CPNE4: variants seen among roughly 807,000 people sequenced by gnomAD.
The protein encoded by CPNE4 is copine-4.
Under a neutral mutation model 67.9 loss-of-function variants are expected in CPNE4, and 25 were observed. The observed-to-expected ratio is 0.37, with a 90% CI of 0.27 to 0.51. The LOEUF (loss-of-function observed/expected upper bound fraction) is 0.51. CPNE4 is among the 20% of genes least tolerant of loss of function. The pLI is 0.93. For synonymous variants in CPNE4, 242 were observed against 244.9 expected, an observed-to-expected ratio of 0.99 and a Z score of 0.11; for missense variants, 464 against 690.8, an observed-to-expected ratio of 0.67 and a Z score of 3.68.
Position 131,796,749 on chromosome 3 carries a change from T to C in CPNE4, c.181-73124A>G, listed in dbSNP as rs369925064. 2.6e-5 allele frequency among the ~76,000 whole-genome samples: 4 copies of C among 152,252 alleles called. 1 individual carries two copies. The highest frequency in any genetic ancestry group is 6.5e-5 in the Admixed American group (1 of 15,288). Reference sequence around the variant, plus strand: ...CTGGTACAAAAAGCTGAAAATGTCATCGCATTTGCAAATGAACAGAAACCT... The same window carrying C: ...CTGGTACAAAAAGCTGAAAATGTCACCGCATTTGCAAATGAACAGAAACCT... On this transcript the variant is annotated intron_variant, in intron 2 of 15. Coordinates refer to ENST00000429747, the MANE Select transcript of CPNE4 (RefSeq NM_130808.3).
chr3:131,842,487 A>T (rs1162570273), intron 2 of CPNE4, among the ~76,000 whole-genome samples: 2 of 152,222 alleles, frequency 1.3e-5, no homozygotes, highest in Non-Finnish European at 2.9e-5. Context: ...CTGAACCCAG[A>T]TAACATACTG....
At chr3:132,002,614 A>G (rs1365515843) in intron 1 of CPNE4, among the ~76,000 whole-genome samples, 1 of 152,134 alleles carries the variant, frequency 6.6e-6, no homozygotes, top group Non-Finnish European at 1.5e-5. Context: ...ATGACGCAGG[A>G]TTTATGTGAG....
chr3:131,655,718 T>C (rs1166030631), intron 7 of CPNE4, among the ~76,000 whole-genome samples: 4 of 152,124 alleles, frequency 2.6e-5, no homozygotes, highest in African/African-American at 7.2e-5. Flanking sequence ...CAAAGGATGC[T>C]CTTTCTTTTC....
At position 131,723,458 on chromosome 3, in the gene CPNE4, G is replaced by A; in HGVS notation, c.348C>T (p.Cys116=). The change falls in exon 3 of 16, where the codon TGC becomes TGT. Residue 116 remains cysteine, a synonymous_variant. Transcript: ENST00000429747. ...TCTGTTGACCCACCTGGCCAAGTGT[G>A]CACTCCATGCCACCAAGGAAGTCGG... is the stretch of plus-strand genomic sequence containing the variant. ...KEADFLGGME[C]TLGQIVSQRK... is the part of the protein sequence containing the mutation. The A allele has an allele frequency of 1.2e-6, 2 of 1,612,746 alleles. No individual in the cohort carries two copies. The highest frequency in any genetic ancestry group is 1.7e-6 in the Non-Finnish European group (2 of 1,179,940).
intron 1 of CPNE4, among the ~76,000 whole-genome samples, chr3:131,929,196 CA>C (rs57462900): frequency 0.33 from 32,574 of 97,858 alleles, 2,413 homozygotes; most frequent in Middle Eastern, 0.44. Flanking sequence ...TTGTCCTCAC[CA>C]AAAAAAAAAA....
chr3:131,876,653 A>AAAAAAAGAAAG (rs762079430), intron 2 of CPNE4, among the ~76,000 whole-genome samples: 52 of 140,762 alleles, frequency 3.7e-4, no homozygotes, highest in African/African-American at 1.2e-3. Flanking sequence ...AAAAAAAAAA[A>AAAAAAAGAAAG]AAAGAAAGAA....
chr3:131,794,990 T>A (rs1303550763), intron 2 of CPNE4, among the ~76,000 whole-genome samples: 1 of 152,246 alleles, frequency 6.6e-6, no homozygotes, highest in Admixed American at 6.5e-5. Flanking sequence ...AACACTGCCA[T>A]CTGTCGTGGC....
At chr3:131,545,657 G>T (rs1407045289) in intron 14 of CPNE4, among the ~76,000 whole-genome samples, 1 of 152,142 alleles carries the variant, frequency 6.6e-6, no homozygotes, top group Non-Finnish European at 1.5e-5. Flanking sequence ...AAATACAGAA[G>T]CATTTTATTA....
At chr3:131,908,707 T>C (rs1458938368) in intron 1 of CPNE4, among the ~76,000 whole-genome samples, 1 of 152,136 alleles carries the variant, frequency 6.6e-6, no homozygotes, top group Non-Finnish European at 1.5e-5. Flanking sequence ...CAAGCTACGA[T>C]AGAATGGGAC....
At chr3:131,753,029 A>G (rs114003680) in intron 2 of CPNE4, among the ~76,000 whole-genome samples, 2,973 of 151,580 alleles carry the variant, frequency 0.02, 50 homozygotes, top group Non-Finnish European at 0.03. Context: ...AATTGTATAT[A>G]AAATATAAAA....
chr3:131,932,542 A>G (rs1028575533), intron 1 of CPNE4, among the ~76,000 whole-genome samples: 5 of 152,290 alleles, frequency 3.3e-5, no homozygotes, highest in African/African-American at 1.2e-4. Context: ...GGTAAACAGC[A>G]TGATGAAATA....
chr3:131,555,340 C>T (rs1006599551), intron 12 of CPNE4, among the ~76,000 whole-genome samples, 157 bp downstream of exon 12: 5 of 151,952 alleles, frequency 3.3e-5, no homozygotes, highest in East Asian at 1.9e-4. Context: ...CGGGCCCTGG[C>T]GAGTTAATCT....
intron 2 of CPNE4, among the ~76,000 whole-genome samples, chr3:131,831,064 G>A (rs1355728533): frequency 6.6e-6 from 1 of 151,430 alleles, no homozygotes; most frequent in Non-Finnish European, 1.5e-5. Context: ...TAGGAGTGGA[G>A]GACTGTTTTT....
chr3:132,009,388 AG>A (rs2073691654), intron 1 of CPNE4, among the ~76,000 whole-genome samples: 1 of 152,190 alleles, frequency 6.6e-6, no homozygotes, highest in South Asian at 2.1e-4. Flanking sequence ...TTAAACACCC[AG>A]CATGGTTTTC....
chr3:131,634,445 C>A lies in CPNE4; in HGVS notation c.681+35230G>T, dbSNP rs1431908341. ...AAAGTAAGTAATCAAACTCATTTAT[C>A]AACACAATCCAATTCTGCAGAACAT... On this transcript the variant is annotated intron_variant, in intron 7 of 15. Transcript: ENST00000429747. 2.0e-5 allele frequency among the ~76,000 whole-genome samples: 3 copies of A among 152,144 alleles called. No homozygotes were observed. The East Asian group carries it at 5.8e-4, about 29-fold the overall frequency.
chr3:131,605,178 GAATA>G (rs1939426818), intron 7 of CPNE4, among the ~76,000 whole-genome samples: 1 of 152,130 alleles, frequency 6.6e-6, no homozygotes, highest in Non-Finnish European at 1.5e-5. Flanking sequence ...TTCTTTGAAT[GAATA>G]GTTTTTGAGT....
chr3:131,908,576 T>C (rs2088853644), intron 1 of CPNE4, among the ~76,000 whole-genome samples: 6 of 152,134 alleles, frequency 3.9e-5, no homozygotes, highest in Admixed American at 2.6e-4. Context: ...TCACTGTCCT[T>C]CTAACTTTCC....
intron 9 of CPNE4, among the ~76,000 whole-genome samples, chr3:131,575,396 C>G (rs575624941): frequency 1.6e-3 from 251 of 152,234 alleles, no homozygotes; most frequent in African/African-American, 5.8e-3. Context: ...TCAGCTTATG[C>G]CTCTGAAGTG....
intron 1 of CPNE4, among the ~76,000 whole-genome samples, chr3:131,937,577 A>G (rs2071260860): frequency 1.3e-5 from 2 of 152,156 alleles, no homozygotes; most frequent in South Asian, 4.1e-4. Flanking sequence ...CACTGAATAC[A>G]TTTAACTCTT....
Sources: gnomAD v4.1 joint callset for allele counts (sites outside exome capture counted in the v4.1 genomes callset) on GRCh38, gnomAD v4.1.1 for gene constraint, MANE v1.5 for transcripts, NCBI Gene and HGNC (gene_info 2026-07-23, HGNC 2026-07-21) for gene names.